Variants in VPS13C observed in about 807,000 individuals in gnomAD.
VPS13C encodes vacuolar protein sorting 13 homolog C, also known as intermembrane lipid transfer protein VPS13C.
In VPS13C, 358 loss-of-function variants were observed where a neutral mutation model predicts 456.8. The observed-to-expected ratio is 0.78, with a 90% CI of 0.72 to 0.86. VPS13C has a LOEUF of 0.86. Ranked by LOEUF, VPS13C falls within the 40% of genes least tolerant of loss-of-function variation. The pLI is 0.00. For synonymous variants in VPS13C, 1,578 were observed against 1,486.7 expected (o/e 1.06, Z -1.41); for missense variants, 4,818 against 4,385.4 (o/e 1.10, Z -2.79).
In VPS13C at chr15:61,980,505, C is replaced by T. The variant is rs369115529; in HGVS notation, c.2166+837G>A. Among the ~76,000 whole-genome samples the T allele has an allele frequency of 3.3e-5, 5 of 152,232 alleles. No individual in the cohort carries two copies. The South Asian group carries it at 6.2e-4, about 19-fold the overall frequency. Reference sequence around the variant, plus strand: ...TTCACCAGAGAGTCCTTCTTCACCACGACAATGCTTCTTCTGCTCCTTCCT... The same window carrying T: ...TTCACCAGAGAGTCCTTCTTCACCATGACAATGCTTCTTCTGCTCCTTCCT... On this transcript the variant is annotated intron_variant, in intron 22 of 84. Transcript: ENST00000644861.
intron 9 of VPS13C, among the ~76,000 whole-genome samples, chr15:62,016,251 T>C (rs567948978): frequency 4.0e-5 from 6 of 150,950 alleles, no homozygotes; most frequent in Non-Finnish European, 7.4e-5. Flanking sequence ...TGGTTCACTG[T>C]CCTTAACTTT....
At chr15:61,930,130 T>C (rs1345937345) in intron 50 of VPS13C, among the ~76,000 whole-genome samples, 1 of 152,232 alleles carries the variant, frequency 6.6e-6, no homozygotes, top group Non-Finnish European at 1.5e-5. Flanking sequence ...AGCCTTTTAA[T>C]ATTATTTATG....
chr15:61,949,535 G>C lies in VPS13C; in HGVS notation c.4667C>G (p.Ser1556Cys). ...GGAAGGCTCAGAGAATGGAGCAGCA[G>C]ATGATAAAAAATCCATGAAGGAAAG... ...ALLSFMDFLS[S>C]AAPFSEPSSS... Residue 1556 changes from serine to cysteine, a missense_variant, in exon 42 of 85, where the codon TCT (serine) becomes TGT (cysteine). Ser to Cys is a moderately radical substitution (Grantham distance 112). Coordinates refer to ENST00000644861, the MANE Select transcript of VPS13C (RefSeq NM_020821.3). The C allele has an allele frequency of 1.2e-6, 2 of 1,613,400 alleles. No individual in the cohort carries two copies. The highest frequency in any genetic ancestry group is 1.1e-5 in the South Asian group (1 of 90,830).
intron 19 of VPS13C, 39 bp downstream of exon 19, chr15:61,984,818 A>C: frequency 6.3e-7 from 1 of 1,593,982 alleles, no homozygotes; most frequent in Non-Finnish European, 8.6e-7. Flanking sequence ...TAAAACTATA[A>C]CTAAAAGTAA....
rs1015081985 is a variant in VPS13C, at chr15:61,996,743, G to C, written c.1353+3821C>G. On this transcript the variant is annotated intron_variant, in intron 16 of 84. Coordinates refer to ENST00000644861, the MANE Select transcript of VPS13C (RefSeq NM_020821.3). ...AAAAACTCCCAGGATGGGTTCAATA[G>C]CAAAATGAAGATGACAGAAGAAAGA... Among the ~76,000 whole-genome samples the C allele has an allele frequency of 2.0e-5, 3 of 151,314 alleles. No individual in the cohort carries two copies. The East Asian group carries it at 5.8e-4, about 29-fold the overall frequency.
Position 61,927,193 on chromosome 15 carries a change from C to CAG in VPS13C, c.6412_6413dup (p.Ser2139CysfsTer9), listed in dbSNP as rs755116347. On this transcript the variant is annotated frameshift_variant, in exon 52 of 85. Transcript: ENST00000644861. LOFTEE classifies it high-confidence loss of function. ...TCATCTGTTCGAGTTTGGATGTTGA[C>CAG]AGAGAAAGGTTGCACTGAAACGAGG... The CAG allele has an allele frequency of 6.2e-7, 1 of 1,614,104 alleles. No homozygotes were observed. Among genetic ancestry groups the CAG allele is most frequent in the African/African-American group, 1.3e-5 (1 of 75,016 alleles).
chr15:62,001,472 T>C (rs1263059642), intron 15 of VPS13C, among the ~76,000 whole-genome samples: 5 of 152,210 alleles, frequency 3.3e-5, no homozygotes, highest in South Asian at 2.1e-4. Context: ...ATCCAGTGTG[T>C]TTCTACCTTT....
intron 27 of VPS13C, among the ~76,000 whole-genome samples, chr15:61,970,668 G>A (rs2045519277): frequency 6.6e-6 from 1 of 151,990 alleles, no homozygotes; most frequent in Admixed American, 6.6e-5. Context: ...GTGGTGGTAT[G>A]TGCCTGTAAT....
At chr15:61,984,045 G>GGTGTAAAGTACAAAA (rs2045964401) in intron 19 of VPS13C, 33 bp from the exon 20 acceptor site, 7 of 1,583,372 alleles carry the variant, frequency 4.4e-6, no homozygotes, top group African/African-American at 1.4e-5. Flanking sequence ...GAAAGATGCA[G>GGTGTAAAGTACAAAA]ACAAGGTCTT....
At chr15:61,998,926 T>C (rs866687308) in intron 16 of VPS13C, among the ~76,000 whole-genome samples, 1 of 152,248 alleles carries the variant, frequency 6.6e-6, no homozygotes, top group African/African-American at 2.4e-5. Flanking sequence ...CACTTTCTTA[T>C]AATTTTCTTA....
At chr15:61,930,651 G>A (rs751991224) in intron 50 of VPS13C, among the ~76,000 whole-genome samples, 26 of 152,124 alleles carry the variant, frequency 1.7e-4, no homozygotes, top group Non-Finnish European at 3.4e-4. Flanking sequence ...ATGTGAATGC[G>A]CTCGAGATTC....
intron 41 of VPS13C, 84 bp downstream of exon 41, chr15:61,950,274 C>T (rs1421781502): frequency 1.0e-5 from 10 of 992,050 alleles, no homozygotes; most frequent in South Asian, 9.5e-5. Context: ...CACGTTAGAA[C>T]TTACAATCTC....
intron 15 of VPS13C, among the ~76,000 whole-genome samples, chr15:62,006,110 T>C (rs566189050): frequency 7.7e-4 from 117 of 151,522 alleles, no homozygotes; most frequent in African/African-American, 2.6e-3. Flanking sequence ...ATTTTTTTTT[T>C]ATTATTATTA....
rs1895370379 is a variant in VPS13C, at chr15:61,875,724, G to A, written c.10338+8C>T. The stretch of plus-strand genomic sequence containing the variant: ...TACCTATCCTTAGAACAAATAAGAG[G>A]TCAATACCTGGAAGGGTTCATAGAA... On this transcript the variant is annotated splice_region_variant and intron_variant, in intron 76 of 84. Transcript: ENST00000644861. 4 of 1,596,770 alleles carry A rather than the reference G, an allele frequency of 2.5e-6. No individual in the cohort carries two copies. Among genetic ancestry groups the A allele is most frequent in the Non-Finnish European group, 2.6e-6 (3 of 1,167,612 alleles).
rs529254096 is a variant in VPS13C, at chr15:62,041,431, T to G, written c.145-65A>C. ...ATGAAGCCAACCCAAAAATCACTTT[T>G]GTGTGATCATTTAAATACACATGTC... On this transcript the variant is annotated intron_variant, in intron 2 of 84. Transcript: ENST00000644861. 6 of 1,482,188 alleles carry G rather than the reference T, an allele frequency of 4.0e-6. No homozygotes were observed. The Admixed American group carries it at 1.3e-4, about 32-fold the overall frequency. The allele number at this position is 1,482,188 out of a possible 1,614,324, so 91.8% of individuals were successfully genotyped here. A position where few individuals can be genotyped will look rare whatever the true frequency, so the allele number is the denominator to read the frequency against.
At chr15:61,972,897 G>T in intron 26 of VPS13C, 133 bp from the exon 27 acceptor site, 2 of 978,008 alleles carry the variant, frequency 2.0e-6, no homozygotes, top group Non-Finnish European at 1.4e-6. Flanking sequence ...CAGAATAGCT[G>T]CCTTTTTTAA....
At chr15:61,903,118 G>T (rs1352923794) in intron 66 of VPS13C, among the ~76,000 whole-genome samples, 1 of 151,904 alleles carries the variant, frequency 6.6e-6, no homozygotes, top group Non-Finnish European at 1.5e-5. Context: ...TTGACCTCAG[G>T]AATTTGAGAC....
In VPS13C at chr15:61,877,009, C is replaced by T; in HGVS notation, c.10188G>A (p.Gln3396=). 6.2e-7 allele frequency: 1 copy of T among 1,610,010 alleles called. No homozygotes were observed. The highest frequency in any genetic ancestry group is 8.5e-7 in the Non-Finnish European group (1 of 1,177,710). ...AATGCCTAACAACACTCCATATAAG[C>T]TGATCTCTCTTGTAGAACTGATATC... ...EIRYQFYKRD[Q]LIWSVVRHYS... is the part of the protein sequence containing the mutation. The change falls in exon 75 of 85, where the codon CAG becomes CAA. Residue 3396 remains glutamine, a synonymous_variant. Coordinates refer to ENST00000644861, the MANE Select transcript of VPS13C (RefSeq NM_020821.3).
At position 61,929,370 on chromosome 15, in the gene VPS13C, TTTTA is replaced by T. The variant is rs2043976010; in HGVS notation, c.6286+127_6286+130del. 14 of 1,268,858 alleles carry T rather than the reference TTTTA, an allele frequency of 1.1e-5. No individual in the cohort carries two copies. In the South Asian group the frequency reaches 2.1e-4, roughly 19 times the overall value. The allele number at this position is 1,268,858 out of a possible 1,614,324, so 78.6% of individuals were successfully genotyped here. ...TTTTAAAAAACTAAAAAGCTAAAGT[TTTTA>T]TATAGAATATGTTTAAATATAAAAG... On this transcript the variant is annotated intron_variant, in intron 51 of 84. Coordinates refer to ENST00000644861, the MANE Select transcript of VPS13C (RefSeq NM_020821.3).
Sources: gnomAD v4.1 joint callset for allele counts (sites outside exome capture counted in the v4.1 genomes callset) on GRCh38, gnomAD v4.1.1 for gene constraint, MANE v1.5 for transcripts, NCBI Gene and HGNC (gene_info 2026-07-23, HGNC 2026-07-21) for gene names.